Variants in PLIN2 observed in about 807,000 individuals in gnomAD.
The protein encoded by PLIN2 is perilipin-2.
In PLIN2, 33 loss-of-function variants were observed where a neutral mutation model predicts 30.6. That is an observed-to-expected ratio of 1.08 (90% CI 0.82 to 1.44). The LOEUF is 1.44. PLIN2 is among the 40% of genes most tolerant of loss of function. The probability of loss-of-function intolerance (pLI) is 0.00; values close to 1 mark genes in which losing one functional copy is unlikely to be tolerated. For synonymous variants in PLIN2, 205 were observed against 201.1 expected (o/e 1.02, Z -0.16); for missense variants, 610 against 531.8 (o/e 1.15, Z -1.45).
rs746442420 is a variant in PLIN2 at position 19,126,467 on chromosome 9, T to C, written c.-22-19A>G. ...AAGAAATCTGCAGAAAAGAGACTTA[T>C]TTCAGAACACCGGGATAAGACTCTC... On this transcript the variant is annotated intron_variant, in intron 1 of 7. Coordinates refer to ENST00000276914, the MANE Select transcript of PLIN2 (RefSeq NM_001122.4). 8.8e-5 allele frequency: 132 copies of C among 1,495,754 alleles called. 1 individual carries two copies. In the South Asian group the frequency reaches 1.4e-3, roughly 16 times the overall value. 92.7% of individuals were successfully genotyped at this position (1,495,754 alleles called of 1,614,324 possible). A position where few individuals can be genotyped will look rare whatever the true frequency, so the allele number is the denominator to read the frequency against.
intron 4 of PLIN2, among the ~76,000 whole-genome samples, chr9:19,122,730 T>C (rs995366723): frequency 6.6e-6 from 1 of 152,120 alleles, no homozygotes; most frequent in African/African-American, 2.4e-5. Flanking sequence ...TAGATTCTCA[T>C]AGGAGACCTA....
At chr9:19,125,871 C>G (rs1818387676) in intron 3 of PLIN2, 2 of 374,570 alleles carry the variant, frequency 5.3e-6, no homozygotes, top group Non-Finnish European at 9.6e-6. Flanking sequence ...TGCAGTGAGC[C>G]AAGACTGCGC....
chr9:19,113,772 T>TG (rs143001594), downstream of PLIN2, among the ~76,000 whole-genome samples: 21 of 146,872 alleles, frequency 1.4e-4, no homozygotes, highest in African/African-American at 5.3e-4. Flanking sequence ...TTGTTATTTT[T>TG]GGTTTTTTTT....
rs2131178959 is a variant in PLIN2 at position 19,118,693 on chromosome 9, T to C, written c.778-238A>G. Among the ~76,000 whole-genome samples the C allele has an allele frequency of 1.3e-5, 2 of 152,308 alleles. 1 individual carries two copies. On this transcript the variant is annotated intron_variant, in intron 6 of 7. Transcript: ENST00000276914. The stretch of plus-strand genomic sequence containing the variant: ...CACTGACTCCACATTTACTTCCAGT[T>C]TAGCACAGGTAAAGCAACTAAAAAA...
downstream of PLIN2, among the ~76,000 whole-genome samples, chr9:19,113,143 G>C (rs1046985966): frequency 1.3e-5 from 2 of 152,032 alleles, no homozygotes; most frequent in Admixed American, 6.6e-5. Flanking sequence ...AGGAGTTCGA[G>C]ACCAGCCTGG....
rs1459548588 is a variant in PLIN2 at position 19,123,569 on chromosome 9, G to A, written c.305C>T (p.Thr102Ile). 5.0e-6 allele frequency: 8 copies of A among 1,614,130 alleles called. No homozygotes were observed. Among genetic ancestry groups the A allele is most frequent in the East Asian group, 4.5e-5 (2 of 44,902 alleles). Residue 102 changes from threonine (T) to isoleucine (I), a missense_variant, in exon 4 of 8, where the codon ACT becomes ATT. Coordinates refer to ENST00000276914, the MANE Select transcript of PLIN2 (RefSeq NM_001122.4). ...ERLPILNQPS[T>I]QIVANAKGAV... The stretch of plus-strand genomic sequence containing the variant: ...GCACTTTTGTCCCAAGCTCACCTGA[G>A]TTGATGGCTGATTCAGAATAGGCAG...
rs1818231951 is a variant in PLIN2 at position 19,116,615 on chromosome 9, T to C, written c.947A>G (p.Asn316Ser). 3.7e-6 allele frequency: 6 copies of C among 1,613,524 alleles called. No homozygotes were observed. The highest frequency in any genetic ancestry group is 1.3e-5 in the African/African-American group (1 of 74,892). The stretch of plus-strand genomic sequence containing the variant: ...CGTGGTCTGGAGCTGCTGAGTCAGG[T>C]TGCGGGCAATTGCAAGAGTACGTGA... ...IESRTLAIAR[N>S]LTQQLQTTCH... is the part of the protein sequence containing the mutation. The change falls in exon 8 of 8, where the codon AAC becomes AGC. Residue 316 changes from asparagine (N) to serine (S), a missense_variant. Physicochemically the swap from Asn to Ser is conservative, Grantham distance 46. Coordinates refer to ENST00000276914, the MANE Select transcript of PLIN2 (RefSeq NM_001122.4).
rs769414908 is a variant in PLIN2 at position 19,126,119 on chromosome 9, G to A, written c.221C>T (p.Pro74Leu). The change falls in exon 3 of 8, where the codon CCG (proline) becomes CTG (leucine). Residue 74 changes from proline (P) to leucine (L), a missense_variant. Pro to Leu is a moderately conservative substitution (Grantham distance 98, BLOSUM62 -3). Transcript: ENST00000276914. ...SALPIIQKLE[P>L]QIAVANTYAC... ...CTTGAAAAATCAGAACTCACTTTGC[G>A]GCTCTAGCTTCTGGATGATGGGCAG... 85 of 1,613,004 alleles carry A rather than the reference G, an allele frequency of 5.3e-5. No homozygotes were observed. Among genetic ancestry groups the A allele is most frequent in the Non-Finnish European group, 6.7e-5 (79 of 1,179,268 alleles).
In PLIN2 at chr9:19,120,936, A is replaced by C. The variant is rs374292522; in HGVS notation, c.539T>G (p.Leu180Arg). 4.0e-5 allele frequency: 65 copies of C among 1,614,022 alleles called. No homozygotes were observed. The highest frequency in any genetic ancestry group is 5.0e-5 in the Non-Finnish European group (59 of 1,179,970). The change falls in exon 5 of 8, where the codon CTC becomes CGC. Residue 180 changes from leucine to arginine, a missense_variant. Leu to Arg is a moderately radical substitution (Grantham distance 102). Transcript: ENST00000276914. ...TTCTACCAACAGCTCTGATTTGGTG[A>C]GTGCATTTTCTACGCCACTGCTCAC... ...QLVSSGVENA[L>R]TKSELLVEQY...
chr9:19,123,517 T>C, intron 4 of PLIN2, 48 bp downstream of exon 4: 1 of 1,613,772 alleles, frequency 6.2e-7, no homozygotes, highest in Non-Finnish European at 8.5e-7. Flanking sequence ...AGATAGAAGA[T>C]GAAAACATGT....
chr9:19,114,424 AGAC>A (rs1818194620), downstream of PLIN2, among the ~76,000 whole-genome samples: 1 of 151,250 alleles, frequency 6.6e-6, no homozygotes, highest in African/African-American at 2.4e-5. Flanking sequence ...TTTTTTTTTA[AGAC>A]AGAGTCTCAC....
At chr9:19,118,798 T>C (rs890301899) in intron 6 of PLIN2, among the ~76,000 whole-genome samples, 2 of 152,214 alleles carry the variant, frequency 1.3e-5, no homozygotes, top group African/African-American at 4.8e-5. Flanking sequence ...CTGAACCTCC[T>C]TCTCGTGCCT....
chr9:19,109,226 C>T (rs1818127767), intron 2 of PLIN2, among the ~76,000 whole-genome samples: 2 of 152,056 alleles, frequency 1.3e-5, no homozygotes, highest in Admixed American at 6.6e-5. Flanking sequence ...TTTCGATAAG[C>T]TAGGTAATGT....
chr9:19,126,383 C>A lies in PLIN2; in HGVS notation c.30+14G>T. 1 of 1,614,012 alleles carries A rather than the reference C, an allele frequency of 6.2e-7. No individual in the cohort carries two copies. Among genetic ancestry groups the A allele is most frequent in the Non-Finnish European group, 8.5e-7 (1 of 1,179,914 alleles). On this transcript the variant is annotated intron_variant, in intron 2 of 7. Transcript: ENST00000276914. Reference sequence around the variant, plus strand: ...AAGGAGAGAAAGTAGACAAAGGCTACTCAAAATTCATACCGGTTGTGGATC... The same window carrying A: ...AAGGAGAGAAAGTAGACAAAGGCTAATCAAAATTCATACCGGTTGTGGATC...
downstream of PLIN2, among the ~76,000 whole-genome samples, chr9:19,113,341 A>C (rs1818181108): frequency 2.6e-5 from 4 of 152,092 alleles, no homozygotes; most frequent in South Asian, 8.3e-4. Flanking sequence ...CTCAAAAAAA[A>C]AAAATTAAGA....
intron 4 of PLIN2, 122 bp downstream of exon 4, chr9:19,123,443 C>T: frequency 3.2e-6 from 5 of 1,560,796 alleles, no homozygotes; most frequent in Middle Eastern, 1.7e-4. Context: ...TTCAAACATA[C>T]ATCCAGATCC....
rs1173020283 is a variant in PLIN2 at position 19,117,151 on chromosome 9, C to CTTTCT, written c.913-507_913-503dup. Among the ~76,000 whole-genome samples, 3 of 151,694 alleles carry CTTTCT rather than the reference C, an allele frequency of 2.0e-5. No homozygotes were observed. The East Asian group carries it at 5.8e-4, about 29-fold the overall frequency. ...CTTCCTTTTTCTTTCTTTCTTCTTT[C>CTTTCT]TTTCTTTTCTTTTCTTTCTTTCTTT... On this transcript the variant is annotated intron_variant, in intron 7 of 7. Coordinates refer to ENST00000276914, the MANE Select transcript of PLIN2 (RefSeq NM_001122.4).
intron 1 of PLIN2, 26 bp from the exon 2 acceptor site, chr9:19,126,474 A>G (rs561034741): frequency 1.4e-6 from 2 of 1,456,924 alleles, no homozygotes; most frequent in African/African-American, 1.4e-5. Flanking sequence ...TTATTTCAGA[A>G]CACCGGGATA....
At chr9:19,121,968 G>A (rs1484895898) in intron 4 of PLIN2, among the ~76,000 whole-genome samples, 4 of 151,832 alleles carry the variant, frequency 2.6e-5, no homozygotes, top group Non-Finnish European at 5.9e-5. Flanking sequence ...AATTAGCTGG[G>A]TGTGGCGGGG....
Sources: gnomAD v4.1 joint callset for allele counts (sites outside exome capture counted in the v4.1 genomes callset) on GRCh38, gnomAD v4.1.1 for gene constraint, MANE v1.5 for transcripts, NCBI Gene and HGNC (gene_info 2026-07-23, HGNC 2026-07-21) for gene names.